AXDND1: variants seen among roughly 807,000 people sequenced by gnomAD.
AXDND1 encodes axonemal dynein light chain domain-containing protein 1.
In AXDND1, 110 loss-of-function variants were observed where a neutral mutation model predicts 137.5. The observed-to-expected ratio is 0.80, with a 90% confidence interval of 0.69 to 0.94. The LOEUF is 0.94. Ranked by LOEUF, AXDND1 falls within the 40% of genes least tolerant of loss-of-function variation. The pLI, the probability that AXDND1 is intolerant of heterozygous loss-of-function variation, is 0.00. For missense variants in AXDND1, 1,191 were observed against 1,169.8 expected, an observed-to-expected ratio of 1.02 and a Z score of -0.26; for synonymous variants, 414 against 399.7, an observed-to-expected ratio of 1.04 and a Z score of -0.43.
At chr1:179,475,459 G>A (rs890275174) in intron 17 of AXDND1, among the ~76,000 whole-genome samples, 4 of 152,196 alleles carry the variant, frequency 2.6e-5, no homozygotes, top group African/African-American at 9.7e-5. Flanking sequence ...TGTGAGATGT[G>A]GAATCAAAAG....
At chr1:179,530,762 G>T (rs1670970249) in intron 23 of AXDND1, among the ~76,000 whole-genome samples, 1 of 152,176 alleles carries the variant, frequency 6.6e-6, no homozygotes, top group African/African-American at 2.4e-5. Flanking sequence ...ATGCCATCTG[G>T]ATGTACAATT....
chr1:179,367,788 A>G (rs1464711789), intron 2 of AXDND1, among the ~76,000 whole-genome samples: 5 of 152,208 alleles, frequency 3.3e-5, no homozygotes, highest in Non-Finnish European at 7.3e-5. Flanking sequence ...GAGAAACTCA[A>G]TTTAGTACAA....
At chr1:179,437,968 A>G (rs904647247) in intron 15 of AXDND1, among the ~76,000 whole-genome samples, 2 of 152,118 alleles carry the variant, frequency 1.3e-5, no homozygotes, top group Non-Finnish European at 2.9e-5. Flanking sequence ...CCTGACCAGT[A>G]TGGTGAAACC....
At chr1:179,483,267 G>A (rs775544602) in intron 18 of AXDND1, 46 bp downstream of exon 18, 6 of 1,384,392 alleles carry the variant, frequency 4.3e-6, no homozygotes, top group South Asian at 4.1e-5. Context: ...GCCTCGGCTG[G>A]CAAATTTCTT....
At chr1:179,551,533 A>G in intron 25 of AXDND1, 1 of 1,519,990 alleles carries the variant, frequency 6.6e-7, no homozygotes, top group Non-Finnish European at 9.1e-7. Flanking sequence ...CTCAGCAGAC[A>G]AGCACTGAGC....
intron 12 of AXDND1, among the ~76,000 whole-genome samples, chr1:179,418,325 G>A (rs997328177): frequency 6.6e-6 from 1 of 152,216 alleles, no homozygotes; most frequent in African/African-American, 2.4e-5. Context: ...CAGATCAACA[G>A]GATCCCAAGG....
intron 4 of AXDND1, among the ~76,000 whole-genome samples, chr1:179,377,855 G>A (rs1245070437): frequency 2.0e-5 from 3 of 152,132 alleles, no homozygotes; most frequent in Non-Finnish European, 4.4e-5. Flanking sequence ...TAGATCAATC[G>A]ATTGATCCAT....
intron 12 of AXDND1, among the ~76,000 whole-genome samples, chr1:179,425,263 A>G (rs948069534): frequency 6.6e-6 from 1 of 152,206 alleles, no homozygotes; most frequent in Non-Finnish European, 1.5e-5. Context: ...CAACTCTAGT[A>G]AAGGATTGAA....
intron 25 of AXDND1, 100 bp downstream of exon 25, chr1:179,535,062 C>G: frequency 2.6e-6 from 4 of 1,533,086 alleles, no homozygotes; most frequent in Non-Finnish European, 3.6e-6. Context: ...ATATTTGGTG[C>G]TAATCTACTA....
At chr1:179,506,977 G>T in intron 20 of AXDND1, 9 of 869,744 alleles carry the variant, frequency 1.0e-5, no homozygotes, top group Non-Finnish European at 1.2e-5. Flanking sequence ...TGTGGATCAT[G>T]GATTCTTAAT....
At chr1:179,432,244 C>CTTTTTTTT (rs11314780) in intron 14 of AXDND1, 23 bp from the exon 15 acceptor site, 1 of 1,321,564 alleles carries the variant, frequency 7.6e-7, no homozygotes, top group Non-Finnish European at 1.0e-6. Context: ...AGATGTTTCT[C>CTTTTTTTT]TTTTTTTTTT....
chr1:179,538,921 G>A (rs1671820334), intron 25 of AXDND1, among the ~76,000 whole-genome samples: 1 of 151,738 alleles, frequency 6.6e-6, no homozygotes, highest in Admixed American at 6.6e-5. Flanking sequence ...TCTTGTTGTT[G>A]CATTGATCCC....
chr1:179,460,995 G>A (rs1049919773), intron 16 of AXDND1, among the ~76,000 whole-genome samples: 1 of 152,160 alleles, frequency 6.6e-6, no homozygotes, highest in Admixed American at 6.5e-5. Flanking sequence ...CTCCCATTCT[G>A]TAGGTTGCTT....
Position 179,382,749 on chromosome 1 carries a change from C to A in AXDND1, c.631C>A (p.Pro211Thr). 6.3e-7 allele frequency: 1 copy of A among 1,592,862 alleles called. No homozygotes were observed. Among genetic ancestry groups the A allele is most frequent in the Non-Finnish European group, 8.6e-7 (1 of 1,161,250 alleles). The change falls in exon 7 of 26, where the codon CCA becomes ACA. Residue 211 changes from proline to threonine, a missense_variant. Physicochemically the swap from Pro to Thr is conservative, Grantham distance 38. Coordinates refer to ENST00000367618, the MANE Select transcript of AXDND1 (RefSeq NM_144696.6). ...TDSENRLLLF[P>T]SMKPNKRVEV... Reference sequence around the variant, plus strand: ...TAGTGAAAACAGGCTATTGCTCTTCCCATCCATGTAAGTACAGTTTATTTT... The same window carrying A: ...TAGTGAAAACAGGCTATTGCTCTTCACATCCATGTAAGTACAGTTTATTTT...
chr1:179,459,880 TTC>T (rs1662015491), intron 16 of AXDND1, among the ~76,000 whole-genome samples: 1 of 142,848 alleles, frequency 7.0e-6, no homozygotes, highest in East Asian at 2.3e-4. Context: ...TTCTTTTCTT[TTC>T]TCTTTTCTTT....
chr1:179,445,647 T>A (rs975749175), intron 16 of AXDND1, among the ~76,000 whole-genome samples: 1 of 152,208 alleles, frequency 6.6e-6, no homozygotes, highest in African/African-American at 2.4e-5. Context: ...CTTGGGATAA[T>A]GTTTTCAATG....
Position 179,405,006 on chromosome 1 carries a change from T to C in AXDND1, c.1110-6140T>C, listed in dbSNP as rs182138004. ...GTGCCATGGTGGTTTGCTGCACCCA[T>C]CAACCCATCATCTAGGTTTTAAGTC... On this transcript the variant is annotated intron_variant, in intron 11 of 25. Coordinates refer to ENST00000367618, the MANE Select transcript of AXDND1 (RefSeq NM_144696.6). Among the ~76,000 whole-genome samples, 207 of 152,160 alleles carry C rather than the reference T, an allele frequency of 1.4e-3. 2 individuals carry two copies. Among genetic ancestry groups the C allele is most frequent in the African/African-American group, 4.8e-3 (199 of 41,492 alleles).
intron 25 of AXDND1, 154 bp from the exon 26 acceptor site, chr1:179,554,358 A>C: frequency 8.3e-7 from 1 of 1,201,934 alleles, no homozygotes. Flanking sequence ...TTTTTTATAA[A>C]TTTATGCTGA....
At chr1:179,418,996 C>T (rs145741861) in intron 12 of AXDND1, among the ~76,000 whole-genome samples, 52,437 of 150,282 alleles carry the variant, frequency 0.35, 9,264 homozygotes, top group Middle Eastern at 0.44. Context: ...GGGGCAGAGG[C>T]GCTCCCCACA....
Sources: gnomAD v4.1 joint callset for allele counts (sites outside exome capture counted in the v4.1 genomes callset) on GRCh38, gnomAD v4.1.1 for gene constraint, MANE v1.5 for transcripts, NCBI Gene and HGNC (gene_info 2026-07-23, HGNC 2026-07-21) for gene names.